Variants in ODR4 observed in about 807,000 individuals in gnomAD.
ODR4 encodes the protein odr-4 GPCR localization factor homolog.
ODR4 carries 47 observed loss-of-function variants against 60.2 expected under a neutral mutation model. That is an observed-to-expected ratio of 0.78 (90% CI 0.62 to 1.00). ODR4 has a LOEUF of 1.00. Among genes scored for constraint, ODR4 ranks in the 50% least tolerant of loss-of-function variants. The pLI is 0.00. For missense variants in ODR4, 488 were observed against 530.8 expected, an observed-to-expected ratio of 0.92 and a Z score of 0.79; for synonymous variants, 178 against 175.5, an observed-to-expected ratio of 1.01 and a Z score of -0.11.
intron 9 of ODR4, among the ~76,000 whole-genome samples, chr1:186,396,177 A>C (rs538025155): frequency 6.6e-6 from 1 of 152,204 alleles, no homozygotes; most frequent in Non-Finnish European, 1.5e-5. Flanking sequence ...TGTCAGCATC[A>C]TAGAAGTTCC....
rs543615289 is a variant in ODR4 at position 186,403,098 on chromosome 1, C to T, written c.1001-2985C>T. ...AATTTTTGGGAAATTTAGCATATTT[C>T]AAACAGAAATAAGATGTAAATATAT... On this transcript the variant is annotated intron_variant, in intron 11 of 13. Transcript: ENST00000287859. Among the ~76,000 whole-genome samples the T allele has an allele frequency of 2.0e-5, 3 of 152,022 alleles. No individual in the cohort carries two copies. The South Asian group carries it at 6.2e-4, about 32-fold the overall frequency.
chr1:186,401,654 A>G (rs995603419), intron 11 of ODR4, among the ~76,000 whole-genome samples: 1 of 144,674 alleles, frequency 6.9e-6, no homozygotes, highest in Non-Finnish European at 1.5e-5. Flanking sequence ...GGTGTGATGT[A>G]TCACATTATT....
At chr1:186,401,171 AG>A (rs1660930637) in intron 11 of ODR4, 4 of 1,589,004 alleles carry the variant, frequency 2.5e-6, no homozygotes, top group African/African-American at 1.3e-5. Flanking sequence ...TCATATTGTT[AG>A]TACTTTGAAA....
chr1:186,386,203 G>T, intron 4 of ODR4, 120 bp downstream of exon 4: 1 of 547,954 alleles, frequency 1.8e-6, no homozygotes, highest in South Asian at 3.7e-5. Context: ...CTTTTTGTTG[G>T]GGTTACATTG....
intron 9 of ODR4, among the ~76,000 whole-genome samples, chr1:186,397,711 C>T (rs892732707): frequency 6.6e-6 from 1 of 152,148 alleles, no homozygotes; most frequent in Admixed American, 6.6e-5. Flanking sequence ...TATTTTGATA[C>T]TGTCCTTGTT....
the ODR4 span, among the ~76,000 whole-genome samples, chr1:186,431,406 G>T: frequency 6.6e-6 from 1 of 151,902 alleles, no homozygotes; most frequent in Non-Finnish European, 1.5e-5. Flanking sequence ...TTGTCTTCTC[G>T]GATTCAAGAA....
At chr1:186,424,041 A>G (rs1332809075), downstream of ODR4, among the ~76,000 whole-genome samples, 1 of 152,216 alleles carries the variant, frequency 6.6e-6, no homozygotes, top group Non-Finnish European at 1.5e-5. Flanking sequence ...TTAAGAATTC[A>G]CGTACACTAA....
At chr1:186,408,309 A>G (rs941894220) in intron 12 of ODR4, among the ~76,000 whole-genome samples, 17 of 152,060 alleles carry the variant, frequency 1.1e-4, no homozygotes, top group Non-Finnish European at 2.2e-4. Context: ...TAAATAATGA[A>G]GTATAGTATG....
chr1:186,377,962 G>A (rs1188315149), intron 1 of ODR4, among the ~76,000 whole-genome samples: 3 of 151,944 alleles, frequency 2.0e-5, no homozygotes, highest in South Asian at 2.1e-4. Flanking sequence ...GGAGAATGGC[G>A]TGAACCTGGG....
chr1:186,417,112 A>G (rs1202323865), intron 12 of ODR4, among the ~76,000 whole-genome samples: 1 of 151,592 alleles, frequency 6.6e-6, no homozygotes, highest in Non-Finnish European at 1.5e-5. Context: ...ACAGGTGCAC[A>G]CCACCATGCC....
chr1:186,383,251 G>C (rs1451321692), intron 3 of ODR4, 95 bp downstream of exon 3: 3 of 1,321,968 alleles, frequency 2.3e-6, no homozygotes, highest in Admixed American at 2.8e-5. Context: ...AAGAGACATA[G>C]GGAGAAAGTA....
chr1:186,423,412 A>G (rs1661830049), downstream of ODR4, among the ~76,000 whole-genome samples: 1 of 145,582 alleles, frequency 6.9e-6, no homozygotes, highest in African/African-American at 2.5e-5. Context: ...AATCAGGAAC[A>G]CAAGGGTGGC....
In ODR4 at chr1:186,375,919, C is replaced by G. The variant is rs1250559137; in HGVS notation, c.-75C>G. 2.4e-5 allele frequency: 5 copies of G among 206,174 alleles called. No individual in the cohort carries two copies. In the East Asian group the frequency reaches 5.6e-4, roughly 23 times the overall value. 12.8% of individuals were successfully genotyped at this position (206,174 alleles called of 1,614,324 possible). A position where few individuals can be genotyped will look rare whatever the true frequency, so the allele number is the denominator to read the frequency against. On this transcript the variant is annotated 5_prime_UTR_variant, in exon 1 of 14. Transcript: ENST00000287859. ...TACTTGGGCCCGAAACCCCCATCTC[C>G]GGCGGAGAGACCGTCCGAGGTAATT...
At chr1:186,405,816 T>C (rs552245641) in intron 11 of ODR4, among the ~76,000 whole-genome samples, 70 of 152,210 alleles carry the variant, frequency 4.6e-4, no homozygotes, top group African/African-American at 1.6e-3. Flanking sequence ...CCTCCCAAAG[T>C]GCTGGGATTA....
At chr1:186,397,019 C>G (rs937661863) in intron 9 of ODR4, among the ~76,000 whole-genome samples, 9 of 152,062 alleles carry the variant, frequency 5.9e-5, no homozygotes, top group African/African-American at 2.2e-4. Context: ...CGTCACACTG[C>G]TGCTTGGTTT....
the ODR4 span, among the ~76,000 whole-genome samples, chr1:186,432,763 C>A: frequency 6.6e-6 from 1 of 151,682 alleles, no homozygotes; most frequent in Non-Finnish European, 1.5e-5. Flanking sequence ...AGCCACCACA[C>A]CCCCTGCAGT....
chr1:186,424,851 C>T (rs1661857645), downstream of ODR4, among the ~76,000 whole-genome samples: 2 of 151,678 alleles, frequency 1.3e-5, no homozygotes, highest in African/African-American at 4.8e-5. Flanking sequence ...CAAGTATAAG[C>T]ATTTCAAGAA....
At chr1:186,390,685 T>A in intron 6 of ODR4, 26 bp from the exon 7 acceptor site, 3 of 1,610,770 alleles carry the variant, frequency 1.9e-6, no homozygotes, top group Non-Finnish European at 2.5e-6. Flanking sequence ...ACATCATAGT[T>A]ATTTTTCTCC....
At chr1:186,411,264 G>A (rs990559180) in intron 12 of ODR4, among the ~76,000 whole-genome samples, 1 of 151,996 alleles carries the variant, frequency 6.6e-6, no homozygotes, top group Non-Finnish European at 1.5e-5. Context: ...AAACACTTAC[G>A]ATCCCAAGCA....
Sources: allele counts gnomAD v4.1 joint callset (sites outside exome capture counted in the v4.1 genomes callset), GRCh38; gene constraint gnomAD v4.1.1; transcripts MANE v1.5; gene names NCBI Gene and HGNC (gene_info 2026-07-23, HGNC 2026-07-21).